PTPRS: variants seen among roughly 807,000 people sequenced by gnomAD.
PTPRS encodes the protein protein tyrosine phosphatase receptor type S.
PTPRS carries 63 observed loss-of-function variants against 215.3 expected under a neutral mutation model. That is an observed-to-expected ratio of 0.29 (90% CI 0.24 to 0.36). PTPRS has a LOEUF of 0.36. Ranked by LOEUF, PTPRS falls within the 10% of genes least tolerant of loss-of-function variation. The probability of loss-of-function intolerance (pLI) is 1.00; values close to 1 mark genes in which losing one functional copy is unlikely to be tolerated. For missense variants in PTPRS, 2,258 were observed against 2,825.8 expected, an observed-to-expected ratio of 0.80 and a Z score of 4.56; for synonymous variants, 1,404 against 1,191.4, an observed-to-expected ratio of 1.18 and a Z score of -3.68.
At chr19:5,225,286 G>C (rs921243746) in intron 17 of PTPRS, among the ~76,000 whole-genome samples, 1 of 152,084 alleles carries the variant, frequency 6.6e-6, no homozygotes, top group Admixed American at 6.5e-5. Context: ...GATGGGGGAA[G>C]CACAGGAGAC....
chr19:5,237,831 G>C lies in PTPRS; in HGVS notation c.1849+1088C>G, dbSNP rs998388342. 2.2e-4 allele frequency among the ~76,000 whole-genome samples: 33 copies of C among 152,204 alleles called. No homozygotes were observed. The highest frequency in any genetic ancestry group is 7.7e-4 in the African/African-American group (32 of 41,562). On this transcript the variant is annotated intron_variant, in intron 13 of 37. Transcript: ENST00000262963. The surrounding 1 kb of genome is among the most constrained non-coding windows in gnomAD (Gnocchi z 4.2). ...GCTCGGCTTGGTTTGTGGGGAGCAG[G>C]AAGGAGGGAAGGGGGCCGGCGGGGG...
At position 5,210,908 on chromosome 19, in the gene PTPRS, A is replaced by G; in HGVS notation, c.5235-103T>C. 6.9e-7 allele frequency: 1 copy of G among 1,445,368 alleles called. No individual in the cohort carries two copies. The allele number at this position is 1,445,368 out of a possible 1,614,324, so 89.5% of individuals were successfully genotyped here. A position where few individuals can be genotyped will look rare whatever the true frequency, so the allele number is the denominator to read the frequency against. On this transcript the variant is annotated intron_variant, in intron 33 of 37. Transcript: ENST00000262963. This position sits in a 1 kb window ranked among gnomAD's most constrained non-coding sequence, Gnocchi z 4.5. Reference sequence around the variant, plus strand: ...TCAGGACCAAGCCAGTGACAGCTACACCTACCACCCCACTGCCTGCCAGGA... The same window carrying G: ...TCAGGACCAAGCCAGTGACAGCTACGCCTACCACCCCACTGCCTGCCAGGA...
chr19:5,253,546 T>C (rs2045320016), intron 9 of PTPRS, among the ~76,000 whole-genome samples: 1 of 152,040 alleles, frequency 6.6e-6, no homozygotes. Flanking sequence ...CAGAACTTCC[T>C]AGGAAATGAC....
chr19:5,246,728 G>A (rs1011423548), intron 9 of PTPRS, among the ~76,000 whole-genome samples: 6 of 152,068 alleles, frequency 3.9e-5, no homozygotes, highest in East Asian at 1.9e-4. Context: ...CCACTTACCC[G>A]CCCCCTCCGA....
intron 1 of PTPRS, among the ~76,000 whole-genome samples, chr19:5,330,167 C>A (rs919061577): frequency 1.3e-5 from 2 of 152,128 alleles, no homozygotes; most frequent in African/African-American, 4.8e-5. Flanking sequence ...CGTGGGCCCC[C>A]GAGTGACTGC....
chr19:5,329,957 A>G (rs572209666), intron 1 of PTPRS, among the ~76,000 whole-genome samples: 2 of 150,982 alleles, frequency 1.3e-5, no homozygotes, highest in East Asian at 2.0e-4. Flanking sequence ...GCACATGCCT[A>G]TAATCCCAGC....
chr19:5,280,224 C>G (rs1420731724), intron 2 of PTPRS, among the ~76,000 whole-genome samples: 1 of 152,176 alleles, frequency 6.6e-6, no homozygotes, highest in African/African-American at 2.4e-5. Flanking sequence ...TATTCAGAAG[C>G]CCAGAGAGGC....
At chr19:5,258,392 CT>C (rs1308082024) in intron 7 of PTPRS, among the ~76,000 whole-genome samples, 1 of 152,240 alleles carries the variant, frequency 6.6e-6, no homozygotes, top group Non-Finnish European at 1.5e-5. Context: ...GGTCATGAGA[CT>C]GCTGCCTCAT....
intron 37 of PTPRS, among the ~76,000 whole-genome samples, chr19:5,207,281 C>T (rs112379173): frequency 0.12 from 18,023 of 152,216 alleles, 1,257 homozygotes; most frequent in African/African-American, 0.19. Context: ...GACAGGGTTT[C>T]GCCATGTTGG....
rs1291236632 is a variant in PTPRS at position 5,339,919 on chromosome 19, T to G, written c.-95+745A>C. 4.0e-5 allele frequency among the ~76,000 whole-genome samples: 6 copies of G among 151,504 alleles called. No homozygotes were observed. Among genetic ancestry groups the G allele is most frequent in the Non-Finnish European group, 7.4e-5 (5 of 67,762 alleles). On this transcript the variant is annotated intron_variant, in intron 1 of 37. Transcript: ENST00000262963. This position sits in a 1 kb window ranked among gnomAD's most constrained non-coding sequence, Gnocchi z 4.2. Reference sequence around the variant, plus strand: ...GTCTGCCTGCCAGAGCCCCTGGGGCTGGGGGCTGAGGCTCGCCCCTGGGTG... The same window carrying G: ...GTCTGCCTGCCAGAGCCCCTGGGGCGGGGGGCTGAGGCTCGCCCCTGGGTG...
rs956387473 is a variant in PTPRS at position 5,294,044 on chromosome 19, G to A, written c.-94-7810C>T. On this transcript the variant is annotated intron_variant, in intron 1 of 37. Transcript: ENST00000262963. This position sits in a 1 kb window ranked among gnomAD's most constrained non-coding sequence, Gnocchi z 5.1. ...GGGGCCCGGAATGTAGAAGCCCAGC[G>A]GGACCTGGGGGTCTGGGGACGGGAC... 1.3e-5 allele frequency among the ~76,000 whole-genome samples: 2 copies of A among 152,294 alleles called. No individual in the cohort carries two copies. Among genetic ancestry groups the A allele is most frequent in the East Asian group, 1.9e-4 (1 of 5,172 alleles).
chr19:5,277,559 G>C (rs559792537), intron 2 of PTPRS, among the ~76,000 whole-genome samples: 34 of 151,870 alleles, frequency 2.2e-4, no homozygotes, highest in African/African-American at 7.7e-4. Flanking sequence ...GGGAGGCTGA[G>C]GCAGGAGAAT....
rs574913879 is a variant in PTPRS, at chr19:5,264,078, C to T, written c.568+930G>A. Among the ~76,000 whole-genome samples, 73 of 152,260 alleles carry T rather than the reference C, an allele frequency of 4.8e-4. No homozygotes were observed. In the South Asian group the frequency reaches 8.5e-3, roughly 18 times the overall value. The stretch of plus-strand genomic sequence containing the variant: ...AACCACCCGTCTCCAAGGCTCTGTC[C>T]CAAGGTCTCCCTAGCCCAGCCAGGG... On this transcript the variant is annotated intron_variant, in intron 5 of 37. Coordinates refer to ENST00000262963, the MANE Select transcript of PTPRS (RefSeq NM_002850.4).
intron 1 of PTPRS, among the ~76,000 whole-genome samples, chr19:5,333,178 A>T (rs951408466): frequency 5.3e-5 from 8 of 150,090 alleles, no homozygotes; most frequent in Non-Finnish European, 1.0e-4. Context: ...AATAAATAAA[A>T]AATGCCAATT....
chr19:5,300,483 G>C (rs956201907), intron 1 of PTPRS, among the ~76,000 whole-genome samples: 1 of 151,830 alleles, frequency 6.6e-6, no homozygotes, highest in East Asian at 1.9e-4. Flanking sequence ...TCTAAATGAA[G>C]AAGTGGGGCG....
At chr19:5,225,963 G>C (rs531660884) in intron 16 of PTPRS, 119 bp from the exon 17 acceptor site, 7 of 780,086 alleles carry the variant, frequency 9.0e-6, no homozygotes, top group African/African-American at 1.7e-5. Flanking sequence ...GGGTGGAGAC[G>C]TGCACATGAG....
chr19:5,290,420 C>T (rs987435122), intron 1 of PTPRS, among the ~76,000 whole-genome samples: 10 of 152,192 alleles, frequency 6.6e-5, no homozygotes, highest in East Asian at 1.9e-4. Context: ...GGCTCCCCCG[C>T]GGTGCTAATG....
intron 2 of PTPRS, among the ~76,000 whole-genome samples, chr19:5,281,083 C>T (rs1005613081): frequency 2.5e-4 from 38 of 152,088 alleles, no homozygotes; most frequent in South Asian, 2.1e-4. Context: ...TGAGGCGCCG[C>T]GCCTGGCCCC....
intron 11 of PTPRS, among the ~76,000 whole-genome samples, chr19:5,242,671 A>C (rs1211212935): frequency 6.6e-6 from 1 of 150,942 alleles, no homozygotes; most frequent in Non-Finnish European, 1.5e-5. Flanking sequence ...AAGCCACCAC[A>C]CCCAGCCCTC....
Sources: gnomAD v4.1 joint callset for allele counts (sites outside exome capture counted in the v4.1 genomes callset) on GRCh38, gnomAD v4.1.1 for gene constraint, Gnocchi (gnomAD v3.1) non-coding constraint, MANE v1.5 for transcripts, NCBI Gene and HGNC (gene_info 2026-07-23, HGNC 2026-07-21) for gene names.